GRID2: variants seen among roughly 807,000 people sequenced by gnomAD.
GRID2 encodes the protein glutamate ionotropic receptor delta type subunit 2, also known as glutamate receptor ionotropic, delta-2.
GRID2 carries 33 observed loss-of-function variants against 114.8 expected under a neutral mutation model. The ratio of observed to expected loss-of-function variants is 0.29; its 90% confidence interval spans 0.22 to 0.38. GRID2 has a LOEUF of 0.38. Among genes scored for constraint, GRID2 ranks in the 10% least tolerant of loss-of-function variants. The pLI, the probability that GRID2 is intolerant of heterozygous loss-of-function variation, is 1.00. For synonymous variants in GRID2, 505 were observed against 449.9 expected, an observed-to-expected ratio of 1.12 and a Z score of -1.55; for missense variants, 1,184 against 1,257.7, an observed-to-expected ratio of 0.94 and a Z score of 0.89.
intron 1 of GRID2, among the ~76,000 whole-genome samples, chr4:92,447,725 A>T (rs900214102): frequency 2.6e-5 from 4 of 152,176 alleles, no homozygotes; most frequent in Non-Finnish European, 5.9e-5. Flanking sequence ...TGGTTCACAG[A>T]CAGTACCTTC....
At chr4:92,698,939 A>G (rs1275003754) in intron 2 of GRID2, among the ~76,000 whole-genome samples, 1 of 152,128 alleles carries the variant, frequency 6.6e-6, no homozygotes, top group Non-Finnish European at 1.5e-5. Context: ...AGTACTGACA[A>G]CACATATTTT....
chr4:93,145,257 G>A (rs1736099853), intron 4 of GRID2, among the ~76,000 whole-genome samples: 1 of 151,896 alleles, frequency 6.6e-6, no homozygotes, highest in African/African-American at 2.4e-5. Flanking sequence ...ACTCTGTTAC[G>A]AAGGGAATTT....
At chr4:93,629,855 T>C (rs1743084783) in intron 14 of GRID2, among the ~76,000 whole-genome samples, 1 of 152,220 alleles carries the variant, frequency 6.6e-6, no homozygotes, top group African/African-American at 2.4e-5. Flanking sequence ...TATATGTTTA[T>C]ATATTTCATA....
chr4:93,538,060 T>A (rs539521430), intron 13 of GRID2, among the ~76,000 whole-genome samples: 24 of 151,948 alleles, frequency 1.6e-4, no homozygotes, highest in Non-Finnish European at 3.1e-4. Context: ...TATTCTCTTT[T>A]TAAAATTTTT....
intron 10 of GRID2, among the ~76,000 whole-genome samples, chr4:93,455,120 A>G (rs1723064693): frequency 6.6e-6 from 1 of 152,164 alleles, no homozygotes; most frequent in Non-Finnish European, 1.5e-5. Context: ...TAGTGACCTT[A>G]GGCATATGAC....
At chr4:92,708,701 T>C (rs576802454) in intron 2 of GRID2, among the ~76,000 whole-genome samples, 4 of 152,296 alleles carry the variant, frequency 2.6e-5, no homozygotes, top group African/African-American at 7.2e-5. Flanking sequence ...TTCTCAGACA[T>C]GTTTGTAGCG....
chr4:92,858,862 T>C (rs1744344341), intron 2 of GRID2, among the ~76,000 whole-genome samples: 1 of 152,168 alleles, frequency 6.6e-6, no homozygotes. Flanking sequence ...GGCCAGGAGC[T>C]GGTTTTTATG....
chr4:93,517,424 T>C (rs1474382840), intron 13 of GRID2, among the ~76,000 whole-genome samples: 1 of 152,118 alleles, frequency 6.6e-6, no homozygotes. Flanking sequence ...ACCATGTTGA[T>C]TCAGTTTTCT....
chr4:93,462,051 G>A (rs901604185), intron 11 of GRID2, among the ~76,000 whole-genome samples: 24 of 152,146 alleles, frequency 1.6e-4, no homozygotes, highest in African/African-American at 5.8e-4. Context: ...AATATTTATA[G>A]TCATGTAAAA....
At chr4:92,306,669 C>A (rs776776257) in intron 1 of GRID2, among the ~76,000 whole-genome samples, 1 of 152,152 alleles carries the variant, frequency 6.6e-6, no homozygotes, top group Non-Finnish European at 1.5e-5. Context: ...CTTTTGCTAT[C>A]CCTTACTAGT....
intron 13 of GRID2, among the ~76,000 whole-genome samples, chr4:93,570,073 C>A (rs966945616): frequency 4.6e-5 from 7 of 151,952 alleles, no homozygotes; most frequent in Admixed American, 3.3e-4. Context: ...GTCTATAGTA[C>A]CTTGATCATA....
intron 11 of GRID2, among the ~76,000 whole-genome samples, chr4:93,462,516 A>G (rs1723843648): frequency 1.3e-5 from 2 of 152,168 alleles, no homozygotes; most frequent in Admixed American, 1.3e-4. Context: ...ACTGATTTTG[A>G]AATCCCAAGA....
chr4:93,099,507 TGCA>T (rs1306683665), intron 3 of GRID2, among the ~76,000 whole-genome samples: 3 of 151,888 alleles, frequency 2.0e-5, no homozygotes, highest in African/African-American at 7.2e-5. Flanking sequence ...GACCTAGATA[TGCA>T]TAATAAGTAT....
chr4:92,995,255 TTC>T (rs1755131220), intron 2 of GRID2, among the ~76,000 whole-genome samples: 1 of 152,128 alleles, frequency 6.6e-6, no homozygotes, highest in African/African-American at 2.4e-5. Context: ...CTCTTCTTTA[TTC>T]TCTCTCTCCC....
intron 4 of GRID2, among the ~76,000 whole-genome samples, chr4:93,189,768 CCACACCA>C (rs948524043): frequency 1.8e-5 from 2 of 110,632 alleles, no homozygotes; most frequent in Non-Finnish European, 3.7e-5. Flanking sequence ...CACCACCACA[CCACACCA>C]CACACACACA....
chr4:92,797,850 A>C (rs1739967311), intron 2 of GRID2, among the ~76,000 whole-genome samples: 1 of 151,978 alleles, frequency 6.6e-6, no homozygotes, highest in African/African-American at 2.4e-5. Context: ...CTATACCCAA[A>C]TGTACAAATG....
At chr4:93,727,655 G>C (rs953380613) in intron 14 of GRID2, among the ~76,000 whole-genome samples, 1 of 152,066 alleles carries the variant, frequency 6.6e-6, no homozygotes, top group Non-Finnish European at 1.5e-5. Context: ...TTATTGCCTC[G>C]ATTTCAGATC....
chr4:93,016,863 A>G (rs1722797278), intron 2 of GRID2, among the ~76,000 whole-genome samples: 2 of 152,164 alleles, frequency 1.3e-5, no homozygotes, highest in African/African-American at 2.4e-5. Flanking sequence ...TTATCACATT[A>G]TTAGGTTTGA....
rs374551978 is a variant in GRID2, at chr4:93,736,552, A to G, written c.2361-32658A>G. On this transcript the variant is annotated intron_variant, in intron 14 of 15. Coordinates refer to ENST00000282020, the MANE Select transcript of GRID2 (RefSeq NM_001510.4). ...TTTAGCAGAAGGTAAGCCTGCTTAC[A>G]TTGTCAGGTTGATGTACCTATATTC... Among the ~76,000 whole-genome samples, 14 of 152,170 alleles carry G rather than the reference A, an allele frequency of 9.2e-5. No homozygotes were observed. The East Asian group carries it at 2.5e-3, about 27-fold the overall frequency.
Sources: allele counts gnomAD v4.1 joint callset (sites outside exome capture counted in the v4.1 genomes callset), GRCh38; gene constraint gnomAD v4.1.1; transcripts MANE v1.5; gene names NCBI Gene and HGNC (gene_info 2026-07-23, HGNC 2026-07-21).